CNTNAP5: variants seen among roughly 807,000 people sequenced by gnomAD.
CNTNAP5 encodes the protein contactin associated protein family member 5.
Under a neutral mutation model 150.2 loss-of-function variants are expected in CNTNAP5, and 72 were observed. The ratio of observed to expected loss-of-function variants is 0.48; its 90% CI spans 0.40 to 0.58. The LOEUF (loss-of-function observed/expected upper bound fraction) is 0.58. Among genes scored for constraint, CNTNAP5 ranks in the 20% least tolerant of loss-of-function variants. CNTNAP5 has a pLI of 0.00. For synonymous variants in CNTNAP5, 672 were observed against 619.8 expected (o/e 1.08, Z -1.25); for missense variants, 1,636 against 1,626.2 (o/e 1.01, Z -0.10).
At chr2:124,047,202 G>A (rs879816647) in intron 1 of CNTNAP5, among the ~76,000 whole-genome samples, 1 of 152,172 alleles carries the variant, frequency 6.6e-6, no homozygotes, top group African/African-American at 2.4e-5. Context: ...ACCCCACATG[G>A]TAAAATATGC....
chr2:124,565,942 T>C (rs1203492724), intron 11 of CNTNAP5, among the ~76,000 whole-genome samples: 1 of 129,724 alleles, frequency 7.7e-6, no homozygotes, highest in Non-Finnish European at 1.7e-5. Flanking sequence ...ATTTTATCAA[T>C]TGAGGGATCC....
intron 5 of CNTNAP5, among the ~76,000 whole-genome samples, chr2:124,439,911 C>A (rs1310174898): frequency 6.6e-6 from 1 of 152,138 alleles, no homozygotes; most frequent in Admixed American, 6.6e-5. Flanking sequence ...CAAAAGAATG[C>A]CCTCCATTCC....
intron 1 of CNTNAP5, among the ~76,000 whole-genome samples, chr2:124,037,522 T>G (rs571733043): frequency 6.6e-6 from 1 of 152,208 alleles, no homozygotes; most frequent in Non-Finnish European, 1.5e-5. Context: ...GGAAATTCTG[T>G]CATTTGTGAC....
In CNTNAP5 at chr2:124,903,006, G is replaced by A. The variant is rs764532960; in HGVS notation, c.3561G>A (p.Ala1187=). 41 of 1,611,330 alleles carry A rather than the reference G, an allele frequency of 2.5e-5. 1 individual carries two copies. Among genetic ancestry groups the A allele is most frequent in the East Asian group, 1.3e-4 (6 of 44,578 alleles). The change falls in exon 22 of 24, where the codon GCG becomes GCA. Residue 1187 remains alanine (A), a synonymous_variant. Transcript: ENST00000682447. ...CTGCCCTGCGCCATGCCACTGTCGC[G>A]CCTGTGACTGTCCATGGGACCTTGA... The part of the protein sequence containing the change: ...LKAALRHATV[A]PVTVHGTLTE...
chr2:124,770,280 G>A (rs181712025), intron 16 of CNTNAP5, among the ~76,000 whole-genome samples: 15 of 152,210 alleles, frequency 9.9e-5, no homozygotes, highest in Non-Finnish European at 2.1e-4. Flanking sequence ...TTGCAGACTC[G>A]GGGGAGACAA....
intron 6 of CNTNAP5, among the ~76,000 whole-genome samples, chr2:124,460,872 C>T (rs111542029): frequency 6.6e-6 from 1 of 151,964 alleles, no homozygotes; most frequent in Non-Finnish European, 1.5e-5. Context: ...TCCTTTGTTT[C>T]CTTTGGAAAT....
intron 3 of CNTNAP5, among the ~76,000 whole-genome samples, chr2:124,401,679 C>T (rs1312343809): frequency 1.3e-5 from 2 of 152,176 alleles, no homozygotes; most frequent in African/African-American, 2.4e-5. Context: ...TCTATTTGTA[C>T]TTACGTTATT....
intron 3 of CNTNAP5, among the ~76,000 whole-genome samples, chr2:124,397,685 C>A (rs1381264815): frequency 6.6e-6 from 1 of 152,144 alleles, no homozygotes; most frequent in Non-Finnish European, 1.5e-5. Flanking sequence ...GTATTGTTAT[C>A]TCCATTTAAT....
intron 1 of CNTNAP5, among the ~76,000 whole-genome samples, chr2:124,072,943 C>T (rs1682344976): frequency 1.3e-5 from 2 of 152,040 alleles, no homozygotes; most frequent in Admixed American, 6.6e-5. Context: ...AATCACATTA[C>T]AGGACTTCAA....
intron 13 of CNTNAP5, among the ~76,000 whole-genome samples, chr2:124,669,221 T>C (rs1320832797): frequency 6.6e-6 from 1 of 152,222 alleles, no homozygotes; most frequent in Non-Finnish European, 1.5e-5. Flanking sequence ...TTGGGAGATA[T>C]TAAATGATTA....
intron 14 of CNTNAP5, among the ~76,000 whole-genome samples, chr2:124,751,054 A>G (rs1282162846): frequency 6.6e-6 from 1 of 151,886 alleles, no homozygotes; most frequent in South Asian, 2.1e-4. Flanking sequence ...ATAGAAATAC[A>G]TGGGTTTAAA....
chr2:124,748,263 C>A (rs1226258820), intron 14 of CNTNAP5, among the ~76,000 whole-genome samples: 1 of 152,050 alleles, frequency 6.6e-6, no homozygotes, highest in Non-Finnish European at 1.5e-5. Flanking sequence ...AAATAATTTT[C>A]CCAGTGTCAA....
At chr2:124,326,844 C>G (rs1232819325) in intron 3 of CNTNAP5, among the ~76,000 whole-genome samples, 1 of 151,914 alleles carries the variant, frequency 6.6e-6, no homozygotes, top group Non-Finnish European at 1.5e-5. Flanking sequence ...GGATGCACAC[C>G]CATAGTCCCA....
chr2:124,559,404 G>T (rs1217764585), intron 10 of CNTNAP5, among the ~76,000 whole-genome samples: 1 of 151,974 alleles, frequency 6.6e-6, no homozygotes, highest in African/African-American at 2.4e-5. Flanking sequence ...GTTTTTCCTG[G>T]GACACATCAC....
chr2:124,628,405 A>G (rs1573507668), intron 12 of CNTNAP5, among the ~76,000 whole-genome samples: 1 of 152,330 alleles, frequency 6.6e-6, no homozygotes, highest in South Asian at 2.1e-4. Flanking sequence ...CTTGGGGGCC[A>G]ATATTCACCA....
At chr2:124,361,306 G>T (rs1417089276) in intron 3 of CNTNAP5, among the ~76,000 whole-genome samples, 2 of 144,724 alleles carry the variant, frequency 1.4e-5, no homozygotes, top group South Asian at 4.5e-4. Flanking sequence ...CCTTCTCTCA[G>T]CTCATCAAAG....
At chr2:124,143,990 C>T (rs1199991932) in intron 1 of CNTNAP5, among the ~76,000 whole-genome samples, 1 of 151,356 alleles carries the variant, frequency 6.6e-6, no homozygotes, top group Admixed American at 6.6e-5. Flanking sequence ...CATTCTTATA[C>T]AACAACAACA....
chr2:124,914,057 A>T, intron 23 of CNTNAP5, 35 bp from the exon 24 acceptor site: 3 of 1,484,698 alleles, frequency 2.0e-6, no homozygotes, highest in Non-Finnish European at 2.8e-6. Context: ...ACTCATGACG[A>T]TTTCCTTCTC....
At chr2:124,162,257 A>G (rs747859249) in intron 1 of CNTNAP5, among the ~76,000 whole-genome samples, 8 of 152,228 alleles carry the variant, frequency 5.3e-5, no homozygotes, top group Admixed American at 1.3e-4. Flanking sequence ...GAAGTATAGG[A>G]CACTGGAGTT....
Sources: gnomAD v4.1 joint callset for allele counts (sites outside exome capture counted in the v4.1 genomes callset) on GRCh38, gnomAD v4.1.1 for gene constraint, MANE v1.5 for transcripts, NCBI Gene and HGNC (gene_info 2026-07-23, HGNC 2026-07-21) for gene names.